MAGI1: variants seen among roughly 807,000 people sequenced by gnomAD.
MAGI1 encodes the protein membrane-associated guanylate kinase, WW and PDZ domain-containing protein 1.
In MAGI1, 58 loss-of-function variants were observed where a neutral mutation model predicts 139.9. That is an observed-to-expected ratio of 0.41 (90% CI 0.34 to 0.52). The LOEUF (loss-of-function observed/expected upper bound fraction) is 0.52, where lower values mean the gene tolerates loss of function less well. MAGI1 is among the 20% of genes least tolerant of loss of function. The pLI is 0.12. For missense variants in MAGI1, 1,874 were observed against 1,901.6 expected, an observed-to-expected ratio of 0.99 and a Z score of 0.27; for synonymous variants, 812 against 737.9, an observed-to-expected ratio of 1.10 and a Z score of -1.63.
chr3:65,677,722 G>A (rs1230084905), intron 1 of MAGI1, among the ~76,000 whole-genome samples: 11 of 152,278 alleles, frequency 7.2e-5, no homozygotes, highest in East Asian at 1.9e-4. Flanking sequence ...TCGTATCCAC[G>A]TCAAAGGTCA....
At chr3:65,829,157 T>C (rs1320171768) in intron 1 of MAGI1, among the ~76,000 whole-genome samples, 2 of 152,222 alleles carry the variant, frequency 1.3e-5, no homozygotes, top group African/African-American at 4.8e-5. Context: ...ATAAATTGTG[T>C]TGTTTTAGCC....
At chr3:65,989,660 C>A (rs2066062035) in intron 1 of MAGI1, among the ~76,000 whole-genome samples, 1 of 152,206 alleles carries the variant, frequency 6.6e-6, no homozygotes, top group Non-Finnish European at 1.5e-5. Flanking sequence ...GCCTCAGCCT[C>A]CCGAGTAGCT....
intron 1 of MAGI1, among the ~76,000 whole-genome samples, chr3:65,702,466 A>G (rs540407813): frequency 1.9e-4 from 28 of 149,610 alleles, no homozygotes; most frequent in African/African-American, 6.7e-4. Flanking sequence ...TAAGGTGTCA[A>G]TTTTACAATA....
At chr3:65,495,112 C>T (rs1243570854) in intron 2 of MAGI1, among the ~76,000 whole-genome samples, 3 of 152,120 alleles carry the variant, frequency 2.0e-5, no homozygotes, top group African/African-American at 7.2e-5. Flanking sequence ...AAGTGTCAGG[C>T]ACAGGAAACA....
rs114317546 is a variant in MAGI1, at chr3:65,857,025, G to C, written c.313+180971C>G. Among the ~76,000 whole-genome samples the C allele has an allele frequency of 5.4e-3, 816 of 152,298 alleles. 12 individuals carry two copies. The highest frequency in any genetic ancestry group is 0.019 in the African/African-American group (779 of 41,554). ...CCTGACGGCCCTGTTTACTTGACAGGAGTTGGCCAGCTCCAACAGAGGTAA... is the reference window on the plus strand; with the variant it reads ...CCTGACGGCCCTGTTTACTTGACAGCAGTTGGCCAGCTCCAACAGAGGTAA... On this transcript the variant is annotated intron_variant, in intron 1 of 22. Transcript: ENST00000402939.
At chr3:65,549,665 G>A (rs750514491) in intron 2 of MAGI1, among the ~76,000 whole-genome samples, 3 of 152,076 alleles carry the variant, frequency 2.0e-5, no homozygotes, top group Non-Finnish European at 4.4e-5. Context: ...GCGACTGCCT[G>A]CCCGCCCCCA....
At chr3:65,402,018 C>G (rs1944939377) in intron 12 of MAGI1, 1 of 441,502 alleles carries the variant, frequency 2.3e-6, no homozygotes, top group Non-Finnish European at 3.0e-6. Context: ...AATACCAAAA[C>G]AAAGACGGAT....
rs117619962 is a variant in MAGI1 at position 65,833,577 on chromosome 3, T to C, written c.313+204419A>G. Among the ~76,000 whole-genome samples, 58 of 152,328 alleles carry C rather than the reference T, an allele frequency of 3.8e-4. No homozygotes were observed. The East Asian group carries it at 9.6e-3, about 25-fold the overall frequency. ...AGTATATGTTCAAATATCTATTTAC[T>C]AGTGTAATCATCGACGACTTACCTA... On this transcript the variant is annotated intron_variant, in intron 1 of 22. Coordinates refer to ENST00000402939, the MANE Select transcript of MAGI1 (RefSeq NM_001033057.2).
At chr3:65,501,447 C>CT (rs1453527890) in intron 2 of MAGI1, among the ~76,000 whole-genome samples, 1 of 49,068 alleles carries the variant, frequency 2.0e-5, no homozygotes, top group Non-Finnish European at 3.7e-5. Context: ...TAGCGAGACT[C>CT]TGTCTCAAAA....
At chr3:65,777,270 T>C (rs1382595766) in intron 1 of MAGI1, among the ~76,000 whole-genome samples, 1 of 152,170 alleles carries the variant, frequency 6.6e-6, no homozygotes, top group Non-Finnish European at 1.5e-5. Flanking sequence ...AGTTTTCTCA[T>C]CTATAAAATT....
intron 1 of MAGI1, among the ~76,000 whole-genome samples, chr3:65,730,395 T>C: frequency 6.6e-6 from 1 of 152,236 alleles, no homozygotes. Flanking sequence ...AAGCAACATA[T>C]CCTCATTTAA....
chr3:65,748,281 G>A (rs897285475), intron 1 of MAGI1, among the ~76,000 whole-genome samples: 3 of 152,126 alleles, frequency 2.0e-5, no homozygotes, highest in African/African-American at 7.2e-5. Flanking sequence ...TGAGAACAGT[G>A]ACATTAAGCA....
intron 1 of MAGI1, among the ~76,000 whole-genome samples, chr3:65,754,969 T>G (rs4688244): frequency 0.22 from 33,286 of 151,554 alleles, 4,322 homozygotes; most frequent in East Asian, 0.55. Flanking sequence ...TTTTTTTTTT[T>G]TTGAGATGGA....
chr3:65,855,750 A>T (rs1345910548), intron 1 of MAGI1, among the ~76,000 whole-genome samples: 1 of 151,566 alleles, frequency 6.6e-6, no homozygotes, highest in Non-Finnish European at 1.5e-5. Context: ...GTAAGAACCA[A>T]CACCGGATAG....
At chr3:65,458,727 C>T (rs1015867507) in intron 5 of MAGI1, among the ~76,000 whole-genome samples, 14 of 152,084 alleles carry the variant, frequency 9.2e-5, no homozygotes, top group Non-Finnish European at 1.8e-4. Context: ...GTCAGATGGA[C>T]AGTTTGCAAA....
chr3:65,870,799 C>A (rs2059912460), intron 1 of MAGI1, among the ~76,000 whole-genome samples: 1 of 151,532 alleles, frequency 6.6e-6, no homozygotes, highest in Admixed American at 6.6e-5. Context: ...AAAAGATATT[C>A]AGGCCGGGCA....
At chr3:65,528,066 T>A (rs142514543) in intron 2 of MAGI1, among the ~76,000 whole-genome samples, 148 of 152,252 alleles carry the variant, frequency 9.7e-4, no homozygotes, top group African/African-American at 3.5e-3. Context: ...TACAAAGATT[T>A]TAAGAGTATC....
Position 65,391,264 on chromosome 3 carries a change from T to C in MAGI1, c.2294A>G (p.Gln765Arg). The part of the protein sequence containing the change: ...LHTASPSHST[Q>R]VLPEFPPAEA... ...TGCAGGTGGGAACTCGGGGAGCACCTGTGTGCTGTGGCTTGGGGATGCTGT... is the reference window on the plus strand; with the variant it reads ...TGCAGGTGGGAACTCGGGGAGCACCCGTGTGCTGTGGCTTGGGGATGCTGT... Residue 765 changes from glutamine to arginine, a missense_variant, in exon 14 of 23, where the codon CAG (glutamine) becomes CGG (arginine). Transcript: ENST00000402939. 6.2e-7 allele frequency: 1 copy of C among 1,614,166 alleles called. No homozygotes were observed. The highest frequency in any genetic ancestry group is 1.7e-5 in the Admixed American group (1 of 60,012).
chr3:65,472,304 C>T (rs1033066122), intron 4 of MAGI1, among the ~76,000 whole-genome samples: 1 of 152,140 alleles, frequency 6.6e-6, no homozygotes, highest in African/African-American at 2.4e-5. Flanking sequence ...ACTTTTCACA[C>T]TTAAGTGCAT....
Sources: gnomAD v4.1 joint callset for allele counts (sites outside exome capture counted in the v4.1 genomes callset) on GRCh38, gnomAD v4.1.1 for gene constraint, MANE v1.5 for transcripts, NCBI Gene and HGNC (gene_info 2026-07-23, HGNC 2026-07-21) for gene names.